WDR33: variants seen among roughly 807,000 people sequenced by gnomAD.
WDR33 encodes pre-mRNA 3' end processing protein WDR33.
WDR33 carries 47 observed loss-of-function variants against 164.9 expected under a neutral mutation model. The ratio of observed to expected loss-of-function variants is 0.29; its 90% CI spans 0.23 to 0.36. The LOEUF (loss-of-function observed/expected upper bound fraction) is 0.36, where lower values mean the gene tolerates loss of function less well. Among genes scored for constraint, WDR33 ranks in the 10% least tolerant of loss-of-function variants. The probability of loss-of-function intolerance (pLI) is 1.00; values close to 1 mark genes in which losing one functional copy is unlikely to be tolerated. For synonymous variants in WDR33, 505 were observed against 589.0 expected (o/e 0.86, Z 2.06); for missense variants, 1,137 against 1,754.1 (o/e 0.65, Z 6.28).
chr2:127,752,630 T>C (rs1177208883), intron 7 of WDR33, among the ~76,000 whole-genome samples: 1 of 147,934 alleles, frequency 6.8e-6, no homozygotes, highest in Non-Finnish European at 1.5e-5. Flanking sequence ...AGAAACAGTC[T>C]AGGCACCAAT....
intron 1 of WDR33, among the ~76,000 whole-genome samples, chr2:127,797,959 A>T (rs1689096979): frequency 6.6e-6 from 1 of 152,256 alleles, no homozygotes; most frequent in African/African-American, 2.4e-5. Flanking sequence ...GGTTCCAGTA[A>T]GCCAAGATGA....
chr2:127,720,295 G>A lies in WDR33; in HGVS notation c.1730C>T (p.Ser577Leu). The stretch of plus-strand genomic sequence containing the variant: ...GGGTCCGAGGAGAGGGGTGCCAGAT[G>A]AGGGAGGAGGCTGAATTTGCTCAAC... The part of the protein sequence containing the change: ...KQVEQIQPPP[S>L]SGTPLLGPQP... The change falls in exon 16 of 22, where the codon TCA becomes TTA. Residue 577 changes from serine (S) to leucine (L), a missense_variant. Physicochemically the swap from Ser to Leu is moderately radical, Grantham distance 145. Around this residue, in one of 9 missense-constraint regions of WDR33, gnomAD observed 867 missense variants for 1,073.0 expected, o/e 0.81. Coordinates refer to ENST00000322313, the MANE Select transcript of WDR33 (RefSeq NM_018383.5). This position sits in a 1 kb window ranked among gnomAD's most constrained non-coding sequence, Gnocchi z 5.9. 1 of 1,518,984 alleles carries A rather than the reference G, an allele frequency of 6.6e-7. No individual in the cohort carries two copies. Among genetic ancestry groups the A allele is most frequent in the Non-Finnish European group, 8.8e-7 (1 of 1,134,336 alleles). The allele number at this position is 1,518,984 out of a possible 1,614,324, so 94.1% of individuals were successfully genotyped here.
At position 127,702,061 on chromosome 2, in the gene WDR33, CCGCGCTGCT is replaced by C. The variant is rs1685905695; in HGVS notation, c.*4253_*4261del. 1.2e-5 allele frequency: 15 copies of C among 1,209,438 alleles called. No homozygotes were observed. Among genetic ancestry groups the C allele is most frequent in the Non-Finnish European group, 1.4e-5 (14 of 972,440 alleles). The allele number at this position is 1,209,438 out of a possible 1,614,324, so 74.9% of individuals were successfully genotyped here. A position where few individuals can be genotyped will look rare whatever the true frequency, so the allele number is the denominator to read the frequency against. ...GTGCTGGGCGCGGGCGCGCAGGTGG[CCGCGCTGCT>C]GGCCGCGCTGGTTGGGCTGCTGCCC... is the stretch of plus-strand genomic sequence containing the variant. On this transcript the variant is annotated 3_prime_UTR_variant, in exon 22 of 22. Transcript: ENST00000322313.
Position 127,718,350 on chromosome 2 carries a change from C to T in WDR33, c.2760+915G>A, listed in dbSNP as rs547891308. Among the ~76,000 whole-genome samples, 2 of 152,178 alleles carry T rather than the reference C, an allele frequency of 1.3e-5. No homozygotes were observed. Among genetic ancestry groups the T allele is most frequent in the African/African-American group, 4.8e-5 (2 of 41,514 alleles). ...CTGACTCGCTCACTTTTGGTCCACA[C>T]TGGACCAAAAGTGAGTTTTCAGGGA... On this transcript the variant is annotated intron_variant, in intron 16 of 21. Transcript: ENST00000322313. This position sits in a 1 kb window ranked among gnomAD's most constrained non-coding sequence, Gnocchi z 4.4.
rs1399670440 is a variant in WDR33 at position 127,701,639 on chromosome 2, C to T, written c.*4684G>A. On this transcript the variant is annotated 3_prime_UTR_variant, in exon 22 of 22. Transcript: ENST00000322313. ...CGGAGAAGGCGGAGGAGCCCGGGGA[C>T]CGGCCGGCGGAGGAGTGGCTGGGCC... is the stretch of plus-strand genomic sequence containing the variant. The T allele has an allele frequency of 7.6e-7, 1 of 1,316,868 alleles. No homozygotes were observed. Among genetic ancestry groups the T allele is most frequent in the Non-Finnish European group, 9.6e-7 (1 of 1,037,432 alleles). The allele number at this position is 1,316,868 out of a possible 1,614,324, so 81.6% of individuals were successfully genotyped here.
chr2:127,708,740 C>G lies in WDR33; in HGVS notation c.3718G>C (p.Gly1240Arg). Residue 1240 changes from glycine to arginine, a missense_variant, in exon 21 of 22, where the codon GGC (glycine) becomes CGC (arginine). This residue lies in a region of WDR33 where 867 missense variants were observed against 1,073.0 expected (regional missense o/e 0.81). Transcript: ENST00000322313. This position sits in a 1 kb window ranked among gnomAD's most constrained non-coding sequence, Gnocchi z 6.7. ...TCCATCTCTCTGTGCTCAGAAGTGC[C>G]TGGGCCATCATGCCAGGGGCGCTTT... ...PRKRPWHDGP[G>R]TSEHREMEAP... 1.2e-6 allele frequency: 2 copies of G among 1,613,802 alleles called. No homozygotes were observed. Among genetic ancestry groups the G allele is most frequent in the Non-Finnish European group, 1.7e-6 (2 of 1,179,822 alleles).
intron 1 of WDR33, among the ~76,000 whole-genome samples, chr2:127,804,134 A>C (rs1314355174): frequency 6.6e-6 from 1 of 152,040 alleles, no homozygotes; most frequent in Non-Finnish European, 1.5e-5. Flanking sequence ...ATCCTGGCTA[A>C]CACGGTGAAA....
rs910445354 is a variant in WDR33, at chr2:127,731,313, A to C, written c.725-4536T>G. 4.6e-5 allele frequency among the ~76,000 whole-genome samples: 7 copies of C among 151,742 alleles called. No individual in the cohort carries two copies. The East Asian group carries it at 9.6e-4, about 21-fold the overall frequency. On this transcript the variant is annotated intron_variant, in intron 7 of 21. Coordinates refer to ENST00000322313, the MANE Select transcript of WDR33 (RefSeq NM_018383.5). Reference sequence around the variant, plus strand: ...CTGCCTCAAAAAAAAAAAAAAAAAAAAAAAACACAGAAAAGCAAAAATTAA... The same window carrying C: ...CTGCCTCAAAAAAAAAAAAAAAAAACAAAAACACAGAAAAGCAAAAATTAA...
At chr2:127,743,705 A>G (rs1432250215) in intron 7 of WDR33, among the ~76,000 whole-genome samples, 2 of 152,198 alleles carry the variant, frequency 1.3e-5, no homozygotes, top group Non-Finnish European at 2.9e-5. Context: ...AATATTGGCT[A>G]AAGTTGGCAG....
intron 1 of WDR33, among the ~76,000 whole-genome samples, chr2:127,790,639 C>T (rs139780588): frequency 1.4e-3 from 213 of 152,264 alleles, no homozygotes; most frequent in African/African-American, 4.7e-3. Context: ...AACCAGGTCT[C>T]ACTCCATTGC....
chr2:127,712,216 G>A lies in WDR33; in HGVS notation c.3308+1367C>T, dbSNP rs1377558784. ...GTTCAAGACGAGCCTGGCCAACATGGTGAAACCTCATCTCTACTAAAAATA... is the reference window on the plus strand; with the variant it reads ...GTTCAAGACGAGCCTGGCCAACATGATGAAACCTCATCTCTACTAAAAATA... On this transcript the variant is annotated intron_variant, in intron 18 of 21. Transcript: ENST00000322313. The surrounding 1 kb of genome is among the most constrained non-coding windows in gnomAD (Gnocchi z 4.0). 6.6e-6 allele frequency among the ~76,000 whole-genome samples: 1 copy of A among 152,004 alleles called. No homozygotes were observed. Among genetic ancestry groups the A allele is most frequent in the South Asian group, 2.1e-4 (1 of 4,816 alleles).
intron 1 of WDR33, among the ~76,000 whole-genome samples, chr2:127,805,524 T>C (rs1689404582): frequency 6.6e-6 from 1 of 152,082 alleles, no homozygotes; most frequent in Admixed American, 6.6e-5. Flanking sequence ...AAGCATACAA[T>C]AAGAAATTCC....
In WDR33 at chr2:127,705,547, C is replaced by T. The variant is rs1451498128; in HGVS notation, c.*776G>A. 6.6e-6 allele frequency: 1 copy of T among 152,182 alleles called. No homozygotes were observed. Among genetic ancestry groups the T allele is most frequent in the Non-Finnish European group, 1.5e-5 (1 of 68,036 alleles). The allele number at this position is 152,182 out of a possible 1,614,324, so 9.4% of individuals were successfully genotyped here. A position where few individuals can be genotyped will look rare whatever the true frequency, so the allele number is the denominator to read the frequency against. ...TTCTGACTAACATCAAGTTCCTCTC[C>T]TCATCATAACAAGGCGATTCAAACC... is the stretch of plus-strand genomic sequence containing the variant. On this transcript the variant is annotated 3_prime_UTR_variant, in exon 22 of 22. Coordinates refer to ENST00000322313, the MANE Select transcript of WDR33 (RefSeq NM_018383.5). The surrounding 1 kb of genome is among the most constrained non-coding windows in gnomAD (Gnocchi z 4.5).
At chr2:127,762,607 A>G (rs1023429316) in intron 7 of WDR33, 2 of 988,034 alleles carry the variant, frequency 2.0e-6, no homozygotes, top group African/African-American at 3.5e-5. Flanking sequence ...AATGTGGTGT[A>G]CTGAAAAACC....
In WDR33 at chr2:127,720,797, T is replaced by C. The variant is rs1686420028; in HGVS notation, c.1672-444A>G. Among the ~76,000 whole-genome samples the C allele has an allele frequency of 6.6e-6, 1 of 152,180 alleles. No homozygotes were observed. Among genetic ancestry groups the C allele is most frequent in the Non-Finnish European group, 1.5e-5 (1 of 68,026 alleles). Reference sequence around the variant, plus strand: ...CTGATCTCAAACTCCTGGGTTCAGCTGATCCTCCCGCCTCGCCTCCCAAAG... The same window carrying C: ...CTGATCTCAAACTCCTGGGTTCAGCCGATCCTCCCGCCTCGCCTCCCAAAG... On this transcript the variant is annotated intron_variant, in intron 15 of 21. Transcript: ENST00000322313. The surrounding 1 kb of genome is among the most constrained non-coding windows in gnomAD (Gnocchi z 5.9).
At chr2:127,777,935 C>T (rs988224357) in intron 1 of WDR33, among the ~76,000 whole-genome samples, 5 of 152,134 alleles carry the variant, frequency 3.3e-5, no homozygotes, top group Admixed American at 2.6e-4. Context: ...GTCCCAAATG[C>T]TCACAAGATA....
At position 127,716,935 on chromosome 2, in the gene WDR33, G is replaced by A. The variant is rs1435543067; in HGVS notation, c.2869+220C>T. Among the ~76,000 whole-genome samples, 3 of 152,246 alleles carry A rather than the reference G, an allele frequency of 2.0e-5. No individual in the cohort carries two copies. Among genetic ancestry groups the A allele is most frequent in the African/African-American group, 7.2e-5 (3 of 41,460 alleles). ...CACACAGGCACGACTGCTGGAGCCTGTGCGGGTGCCTTCATTGTCAGCCTC... is the reference window on the plus strand; with the variant it reads ...CACACAGGCACGACTGCTGGAGCCTATGCGGGTGCCTTCATTGTCAGCCTC... On this transcript the variant is annotated intron_variant, in intron 17 of 21. Coordinates refer to ENST00000322313, the MANE Select transcript of WDR33 (RefSeq NM_018383.5). The surrounding 1 kb of genome is among the most constrained non-coding windows in gnomAD (Gnocchi z 4.5).
Position 127,702,903 on chromosome 2 carries a change from A to C in WDR33, c.*3420T>G, listed in dbSNP as rs983788706. On this transcript the variant is annotated 3_prime_UTR_variant, in exon 22 of 22. Coordinates refer to ENST00000322313, the MANE Select transcript of WDR33 (RefSeq NM_018383.5). The stretch of plus-strand genomic sequence containing the variant: ...TCTCTTCGGAAATCCTGCAAATAGA[A>C]AGATAATTCTAGATCCGGAATACCT... The C allele has an allele frequency of 1.2e-5, 2 of 166,574 alleles. No homozygotes were observed. Among genetic ancestry groups the C allele is most frequent in the African/African-American group, 4.8e-5 (2 of 41,418 alleles). The allele number at this position is 166,574 out of a possible 1,614,324, so 10.3% of individuals were successfully genotyped here.
intron 1 of WDR33, among the ~76,000 whole-genome samples, chr2:127,794,819 G>A (rs1194055773): frequency 4.2e-4 from 59 of 139,700 alleles, no homozygotes; most frequent in African/African-American, 1.6e-3. Flanking sequence ...GGGCGACAAA[G>A]CGAGACTCCG....
Sources: allele counts gnomAD v4.1 joint callset (sites outside exome capture counted in the v4.1 genomes callset), GRCh38; gene constraint gnomAD v4.1.1; regional missense constraint gnomAD v4.1.1; non-coding constraint Gnocchi (gnomAD v3.1); transcripts MANE v1.5; gene names NCBI Gene and HGNC (gene_info 2026-07-23, HGNC 2026-07-21).